The following CDH9 variants were observed in gnomAD, a reference collection of about 807,000 sequenced individuals.
CDH9 encodes the protein cadherin-9.
A neutral mutation model predicts 70.9 loss-of-function variants in CDH9; 28 were observed. The observed-to-expected ratio is 0.40, with a 90% CI of 0.29 to 0.54. The LOEUF (loss-of-function observed/expected upper bound fraction) is 0.54. CDH9 is among the 20% of genes least tolerant of loss of function. The probability of loss-of-function intolerance (pLI) is 0.59; values close to 1 mark genes in which losing one functional copy is unlikely to be tolerated. For missense variants in CDH9, 874 were observed against 984.4 expected, an observed-to-expected ratio of 0.89 and a Z score of 1.50; for synonymous variants, 409 against 343.1, an observed-to-expected ratio of 1.19 and a Z score of -2.12.
At chr5:26,992,131 C>A (rs951920277) in intron 1 of CDH9, among the ~76,000 whole-genome samples, 2 of 152,154 alleles carry the variant, frequency 1.3e-5, no homozygotes, top group African/African-American at 4.8e-5. Context: ...ATAGGATTTG[C>A]ATTCCAGTGG....
intron 2 of CDH9, among the ~76,000 whole-genome samples, chr5:26,960,167 T>C (rs545953721): frequency 2.4e-4 from 37 of 152,094 alleles, no homozygotes; most frequent in African/African-American, 8.9e-4. Flanking sequence ...AAATCACCTG[T>C]CCAGGAATGT....
chr5:26,884,766 T>G (rs923074946), intron 11 of CDH9, among the ~76,000 whole-genome samples: 1 of 152,182 alleles, frequency 6.6e-6, no homozygotes, highest in Non-Finnish European at 1.5e-5. Flanking sequence ...CTAGCTCTCC[T>G]GCCCTAAGCA....
intron 1 of CDH9, among the ~76,000 whole-genome samples, chr5:27,031,018 C>G (rs187235127): frequency 2.6e-5 from 4 of 151,658 alleles, no homozygotes; most frequent in Admixed American, 6.6e-5. Context: ...GGTTACAAAT[C>G]TACTTTTTTT....
intron 2 of CDH9, among the ~76,000 whole-genome samples, chr5:26,955,025 A>T (rs1741923098): frequency 6.6e-6 from 1 of 152,144 alleles, no homozygotes; most frequent in African/African-American, 2.4e-5. Flanking sequence ...CAGAATGAGA[A>T]CATTACTCAA....
chr5:26,977,964 G>A (rs1053597860), intron 2 of CDH9, among the ~76,000 whole-genome samples: 1 of 151,950 alleles, frequency 6.6e-6, no homozygotes, highest in Admixed American at 6.6e-5. Flanking sequence ...CAGGACTCAG[G>A]GAATAAACAA....
chr5:27,033,611 T>A (rs1303286688), intron 1 of CDH9, among the ~76,000 whole-genome samples: 3 of 151,504 alleles, frequency 2.0e-5, no homozygotes, highest in Non-Finnish European at 4.4e-5. Flanking sequence ...TCCTCTGCGG[T>A]TTACTTACCA....
intron 1 of CDH9, among the ~76,000 whole-genome samples, chr5:27,001,844 ACTCTCTCTCTCTCT>A (rs141271541): frequency 8.5e-5 from 12 of 142,002 alleles, no homozygotes; most frequent in Non-Finnish European, 1.7e-4. Context: ...ACACACACAC[ACTCTCTCTCTCTCT>A]CTCTCTCTCT....
intron 2 of CDH9, among the ~76,000 whole-genome samples, chr5:26,940,521 G>C (rs981134152): frequency 1.4e-5 from 2 of 144,222 alleles, no homozygotes; most frequent in East Asian, 3.9e-4. Flanking sequence ...GTTATAAAAG[G>C]TTATAAAAAG....
chr5:26,930,168 G>T (rs987056520), intron 2 of CDH9, among the ~76,000 whole-genome samples: 2 of 151,868 alleles, frequency 1.3e-5, no homozygotes, highest in African/African-American at 4.8e-5. Context: ...TAATTATATA[G>T]AAATATTTTT....
At chr5:27,025,495 T>C (rs917879119) in intron 1 of CDH9, among the ~76,000 whole-genome samples, 6 of 151,792 alleles carry the variant, frequency 4.0e-5, no homozygotes, top group Non-Finnish European at 7.4e-5. Flanking sequence ...ATCAAAAGAA[T>C]AAGTCAATAA....
chr5:26,932,923 T>G (rs1741488443), intron 2 of CDH9, among the ~76,000 whole-genome samples: 1 of 150,538 alleles, frequency 6.6e-6, no homozygotes, highest in East Asian at 1.9e-4. Flanking sequence ...GCAAATTAAT[T>G]ATAATTTAAA....
chr5:27,021,671 G>T (rs1228893238), intron 1 of CDH9, among the ~76,000 whole-genome samples: 1 of 151,858 alleles, frequency 6.6e-6, no homozygotes, highest in Non-Finnish European at 1.5e-5. Context: ...TGCTAATTAT[G>T]TGTGGTTTAT....
intron 2 of CDH9, among the ~76,000 whole-genome samples, chr5:26,970,881 G>A (rs1402307876): frequency 6.6e-6 from 1 of 152,052 alleles, no homozygotes; most frequent in Non-Finnish European, 1.5e-5. Context: ...TGTAAATATA[G>A]TAAGAATGGT....
At chr5:26,987,443 G>A (rs10061626) in intron 2 of CDH9, among the ~76,000 whole-genome samples, 71,787 of 151,562 alleles carry the variant, frequency 0.47, 17,822 homozygotes, top group African/African-American at 0.52. Context: ...AAAGAAAATT[G>A]GAGAGATAAT....
intron 2 of CDH9, among the ~76,000 whole-genome samples, chr5:26,963,063 T>G (rs1298628585): frequency 6.6e-6 from 1 of 152,196 alleles, no homozygotes; most frequent in Admixed American, 6.6e-5. Flanking sequence ...CATGTTAGCA[T>G]TAAACAAGTT....
intron 1 of CDH9, among the ~76,000 whole-genome samples, chr5:27,000,076 A>G (rs1329027701): frequency 1.3e-5 from 2 of 152,150 alleles, no homozygotes; most frequent in African/African-American, 2.4e-5. Flanking sequence ...TGTGTAAAAC[A>G]GTGTTAAGAG....
At chr5:26,882,097 TA>T (rs1191360560) in intron 11 of CDH9, among the ~76,000 whole-genome samples, 1 of 152,112 alleles carries the variant, frequency 6.6e-6, no homozygotes, top group Non-Finnish European at 1.5e-5. Context: ...ATTATATTTA[TA>T]TATTATGAGT....
intron 1 of CDH9, among the ~76,000 whole-genome samples, chr5:27,037,709 C>T (rs1046421353): frequency 1.3e-5 from 2 of 151,884 alleles, no homozygotes; most frequent in African/African-American, 4.8e-5. Flanking sequence ...TTTTTAAATG[C>T]CAATTTTGGC....
In CDH9 at chr5:26,952,634, C is replaced by CAAAA. The variant is rs35876875; in HGVS notation, c.228+35468_228+35471dup. 2.8e-3 allele frequency among the ~76,000 whole-genome samples: 164 copies of CAAAA among 57,708 alleles called. 3 individuals are homozygous for CAAAA. Among genetic ancestry groups the CAAAA allele is most frequent in the African/African-American group, 9.0e-3 (142 of 15,768 alleles). The allele number at this position is 57,708 out of a possible 152,430, so 37.9% of individuals were successfully genotyped here. A position where few individuals can be genotyped will look rare whatever the true frequency, so the allele number is the denominator to read the frequency against. On this transcript the variant is annotated intron_variant, in intron 2 of 11. Coordinates refer to ENST00000231021, the MANE Select transcript of CDH9 (RefSeq NM_016279.4). Reference sequence around the variant, plus strand: ...TGGGCGACAGAGAAAGACTCCGTCTCAAAAAAAAAAAAAAAAAAAAAGAAA... The same window carrying CAAAA: ...TGGGCGACAGAGAAAGACTCCGTCTCAAAAAAAAAAAAAAAAAAAAAAAAAGAAA...
Sources: gnomAD v4.1 joint callset for allele counts (sites outside exome capture counted in the v4.1 genomes callset) on GRCh38, gnomAD v4.1.1 for gene constraint, MANE v1.5 for transcripts, NCBI Gene and HGNC (gene_info 2026-07-23, HGNC 2026-07-21) for gene names.